DAB1: variants seen among roughly 807,000 people sequenced by gnomAD.
The protein encoded by DAB1 is disabled homolog 1.
Under a neutral mutation model 64.6 loss-of-function variants are expected in DAB1, and 15 were observed. The observed-to-expected ratio is 0.23, with a 90% CI of 0.16 to 0.36. The LOEUF (loss-of-function observed/expected upper bound fraction) is 0.36. Ranked by LOEUF, DAB1 falls within the 10% of genes least tolerant of loss-of-function variation. DAB1 has a pLI of 1.00. For synonymous variants in DAB1, 235 were observed against 251.9 expected, an observed-to-expected ratio of 0.93 and a Z score of 0.64; for missense variants, 596 against 706.7, an observed-to-expected ratio of 0.84 and a Z score of 1.78.
rs572036103 is a variant in DAB1 at position 58,189,013 on chromosome 1, G to T, written n.310-38425C>A. ...TAAACAGAAGTACAATTCCCAAATT[G>T]CTTGTTGTTTTTTTACATGTCCATA... On this transcript the variant is annotated intron_variant and non_coding_transcript_variant, in intron 4 of 20. Transcript: ENST00000485760. Among the ~76,000 whole-genome samples, 8 of 152,256 alleles carry T rather than the reference G, an allele frequency of 5.3e-5. No individual in the cohort carries two copies. The South Asian group carries it at 1.5e-3, about 28-fold the overall frequency.
chr1:57,811,354 G>C (rs746531664), intron 6 of DAB1, among the ~76,000 whole-genome samples: 2 of 152,168 alleles, frequency 1.3e-5, no homozygotes, highest in Non-Finnish European at 2.9e-5. Flanking sequence ...GTGATAGTGA[G>C]TTCTCCTGAG....
intron 3 of DAB1, among the ~76,000 whole-genome samples, chr1:58,402,571 A>AGTATTGAGATACAT (rs1644580711): frequency 6.6e-6 from 1 of 152,066 alleles, no homozygotes; most frequent in Non-Finnish European, 1.5e-5. Context: ...TACTTGGAAC[A>AGTATTGAGATACAT]GTTGCTGACA....
At chr1:57,077,868 C>T (rs995008575) in intron 4 of DAB1, among the ~76,000 whole-genome samples, 1 of 151,540 alleles carries the variant, frequency 6.6e-6, no homozygotes, top group African/African-American at 2.4e-5. Context: ...TGTGTGCTTT[C>T]CCGAGGCAAT....
intron 9 of DAB1, among the ~76,000 whole-genome samples, chr1:57,029,525 A>G (rs752733349): frequency 6.6e-6 from 1 of 151,270 alleles, no homozygotes; most frequent in East Asian, 2.0e-4. Flanking sequence ...AGCTTGTACC[A>G]TGAGCCTGGA....
At position 58,440,970 on chromosome 1, in the gene DAB1, T is replaced by TG. The variant is rs368089002; in HGVS notation, n.257+65089dup. 1.5e-3 allele frequency among the ~76,000 whole-genome samples: 229 copies of TG among 152,248 alleles called. 2 individuals are homozygous for TG. Among genetic ancestry groups the TG allele is most frequent in the African/African-American group, 5.4e-3 (224 of 41,538 alleles). The stretch of plus-strand genomic sequence containing the variant: ...AGTGCTTAATCTTTCAGGGAAACTG[T>TG]GAAAAACAGTGCAAAACACGTGCCT... On this transcript the variant is annotated intron_variant and non_coding_transcript_variant, in intron 3 of 20. Transcript: ENST00000485760.
intron 5 of DAB1, among the ~76,000 whole-genome samples, chr1:58,025,649 GTGTA>G (rs747872502): frequency 0.11 from 12,956 of 114,666 alleles, 906 homozygotes; most frequent in Non-Finnish European, 0.14. Flanking sequence ...ATATATATGT[GTGTA>G]TATATATATA....
At chr1:57,711,025 C>T (rs187309629) in intron 6 of DAB1, among the ~76,000 whole-genome samples, 107 of 152,276 alleles carry the variant, frequency 7.0e-4, no homozygotes, top group Non-Finnish European at 1.1e-3. Context: ...ATCTTAGATT[C>T]TACAATAGTG....
At chr1:58,534,026 T>C (rs750590457) in intron 1 of DAB1, 1 of 871,076 alleles carries the variant, frequency 1.1e-6, no homozygotes, top group African/African-American at 1.6e-5. Context: ...GGTTACACTA[T>C]TTAAAAATCC....
chr1:57,523,908 G>C (rs1025779979), intron 7 of DAB1, among the ~76,000 whole-genome samples: 4 of 151,734 alleles, frequency 2.6e-5, no homozygotes, highest in African/African-American at 9.7e-5. Context: ...CTGGATGACA[G>C]AGCAAGACTC....
chr1:57,558,657 C>G (rs1645017088), intron 7 of DAB1, among the ~76,000 whole-genome samples: 1 of 152,132 alleles, frequency 6.6e-6, no homozygotes, highest in Non-Finnish European at 1.5e-5. Context: ...GATTTGGGCC[C>G]ACTAAGTAGG....
chr1:57,186,125 G>A (rs532084707), intron 2 of DAB1, among the ~76,000 whole-genome samples: 3 of 152,242 alleles, frequency 2.0e-5, no homozygotes, highest in South Asian at 2.1e-4. Flanking sequence ...GGTTTATTAC[G>A]TGTTCTATGT....
intron 7 of DAB1, among the ~76,000 whole-genome samples, chr1:57,593,920 A>T (rs1445852209): frequency 6.6e-6 from 1 of 152,224 alleles, no homozygotes; most frequent in African/African-American, 2.4e-5. Flanking sequence ...TAATTGGTCA[A>T]ACTCTGAGCC....
At chr1:57,613,376 G>T (rs998607414) in intron 7 of DAB1, among the ~76,000 whole-genome samples, 1 of 152,286 alleles carries the variant, frequency 6.6e-6, no homozygotes, top group South Asian at 2.1e-4. Flanking sequence ...AGGTGGGAGG[G>T]TCAGAAGGCC....
chr1:57,641,616 T>A (rs1646131477), intron 7 of DAB1, among the ~76,000 whole-genome samples: 1 of 151,932 alleles, frequency 6.6e-6, no homozygotes, highest in African/African-American at 2.4e-5. Context: ...GATCTTCTGA[T>A]CATGTGATCT....
chr1:57,172,112 G>T (rs1010700301), intron 2 of DAB1, among the ~76,000 whole-genome samples: 9 of 152,106 alleles, frequency 5.9e-5, no homozygotes, highest in African/African-American at 1.9e-4. Flanking sequence ...TTCACATGAA[G>T]TTCTCATGAT....
intron 4 of DAB1, among the ~76,000 whole-genome samples, chr1:58,158,137 G>C (rs1453874620): frequency 1.3e-5 from 2 of 152,046 alleles, no homozygotes; most frequent in African/African-American, 4.8e-5. Flanking sequence ...CTCTTCATTT[G>C]CATGGAGAAA....
At chr1:57,450,207 A>G (rs1482222546) in intron 7 of DAB1, among the ~76,000 whole-genome samples, 3 of 152,254 alleles carry the variant, frequency 2.0e-5, no homozygotes, top group Non-Finnish European at 4.4e-5. Flanking sequence ...ACCTTGGCTT[A>G]AATTCACACT....
chr1:58,056,608 C>T, intron 5 of DAB1: 1 of 672,968 alleles, frequency 1.5e-6, no homozygotes, highest in Admixed American at 2.1e-5. Flanking sequence ...TGCCCCAGTG[C>T]AAGCTGTCTT....
At chr1:57,207,064 G>A (rs1014213328) in intron 2 of DAB1, among the ~76,000 whole-genome samples, 7 of 141,440 alleles carry the variant, frequency 4.9e-5, no homozygotes, top group African/African-American at 1.8e-4. Context: ...CGCCTCCCAG[G>A]TTCAAGTGAT....
Sources: gnomAD v4.1 joint callset for allele counts (sites outside exome capture counted in the v4.1 genomes callset) on GRCh38, gnomAD v4.1.1 for gene constraint, MANE v1.5 for transcripts, NCBI Gene and HGNC (gene_info 2026-07-23, HGNC 2026-07-21) for gene names.